Variants in AFDN observed in about 807,000 individuals in gnomAD.
AFDN encodes the protein afadin.
A neutral mutation model predicts 216.6 loss-of-function variants in AFDN; 68 were observed. The ratio of observed to expected loss-of-function variants is 0.31; its 90% CI spans 0.26 to 0.38. The LOEUF is 0.38. Among genes scored for constraint, AFDN ranks in the 10% least tolerant of loss-of-function variants. The pLI is 1.00. For synonymous variants in AFDN, 868 were observed against 853.7 expected, an observed-to-expected ratio of 1.02 and a Z score of -0.29; for missense variants, 2,136 against 2,342.0, an observed-to-expected ratio of 0.91 and a Z score of 1.82.
chr6:167,855,216 T>C (rs1367864079), intron 1 of AFDN, among the ~76,000 whole-genome samples: 2 of 152,116 alleles, frequency 1.3e-5, no homozygotes, highest in Non-Finnish European at 2.9e-5. Context: ...TTTTTAAAAC[T>C]ATTAAAATGA....
chr6:167,951,682 A>G lies in AFDN; in HGVS notation c.4328A>G (p.Glu1443Gly). The G allele has an allele frequency of 6.2e-7, 1 of 1,613,942 alleles. No homozygotes were observed. Among genetic ancestry groups the G allele is most frequent in the Non-Finnish European group, 8.5e-7 (1 of 1,179,948 alleles). ...GAGGAGCGGGAGAGGAAGCGGAGAGAGCAGGAGAGGAAGTTGGGCCAGATG... is the reference window on the plus strand; with the variant it reads ...GAGGAGCGGGAGAGGAAGCGGAGAGGGCAGGAGAGGAAGTTGGGCCAGATG... ...LEEERERKRREQERKLGQMRT... is the reference protein window; with the variant it reads ...LEEERERKRRGQERKLGQMRT... Residue 1443 changes from glutamate (E) to glycine (G), a missense_variant, in exon 30 of 34, where the codon GAG becomes GGG. Glu to Gly is a moderately conservative substitution (Grantham distance 98, BLOSUM62 -2). Transcript: ENST00000683244. The surrounding 1 kb of genome is among the most constrained non-coding windows in gnomAD (Gnocchi z 7.1).
At chr6:167,925,285 A>T (rs1317258775) in intron 23 of AFDN, among the ~76,000 whole-genome samples, 194 bp downstream of exon 23, 3 of 152,198 alleles carry the variant, frequency 2.0e-5, no homozygotes, top group Non-Finnish European at 4.4e-5. Flanking sequence ...TAGTTGAGGG[A>T]TGATCTCCTA....
chr6:167,939,729 GTTAA>G (rs1465515972), intron 23 of AFDN, among the ~76,000 whole-genome samples: 1 of 152,160 alleles, frequency 6.6e-6, no homozygotes, highest in Non-Finnish European at 1.5e-5. Context: ...AAAAAATTCA[GTTAA>G]TTAGATTATG....
intron 23 of AFDN, among the ~76,000 whole-genome samples, chr6:167,929,013 C>G (rs577515561): frequency 6.6e-6 from 1 of 152,292 alleles, no homozygotes; most frequent in South Asian, 2.1e-4. Context: ...CAGTGTAGTA[C>G]AATTACTGGC....
At chr6:167,833,010 T>C (rs1779995169) in intron 1 of AFDN, among the ~76,000 whole-genome samples, 1 of 152,226 alleles carries the variant, frequency 6.6e-6, no homozygotes, top group African/African-American at 2.4e-5. Context: ...CCTTTAACTC[T>C]AGGTATGAAC....
Position 167,966,367 on chromosome 6 carries a change from A to C in AFDN, c.5257+322A>C. The C allele has an allele frequency of 2.7e-6, 3 of 1,127,378 alleles. No homozygotes were observed. The Admixed American group carries it at 9.8e-5, about 37-fold the overall frequency. 69.8% of individuals were successfully genotyped at this position (1,127,378 alleles called of 1,614,324 possible). A position where few individuals can be genotyped will look rare whatever the true frequency, so the allele number is the denominator to read the frequency against. On this transcript the variant is annotated intron_variant, in intron 32 of 33. Transcript: ENST00000683244. ...TTGCCCTGTAGTATGGTCCATGGCG[A>C]TCATACTTGCCTTGGAATTTGGATG... is the stretch of plus-strand genomic sequence containing the variant.
In AFDN at chr6:167,922,915, G is replaced by A. The variant is rs1405883551; in HGVS notation, c.2968G>A (p.Gly990Ser). 1 of 1,613,132 alleles carries A rather than the reference G, an allele frequency of 6.2e-7. No homozygotes were observed. ...SPGTWTIYFE[G>S]ADYESHLLRE... The stretch of plus-strand genomic sequence containing the variant: ...AGGTACTTGGACAATATATTTTGAA[G>A]GTGCAGATTATGAAAGTCACCTTCT... The change falls in exon 22 of 34, where the codon GGT (glycine) becomes AGT (serine). Residue 990 changes from glycine (G) to serine (S), a missense_variant. By Grantham distance (56) the Gly-to-Ser change is moderately conservative (BLOSUM62 0). Coordinates refer to ENST00000683244, the MANE Select transcript of AFDN (RefSeq NM_001386888.1).
chr6:167,917,295 G>GA lies in AFDN; in HGVS notation c.2709+69dup. On this transcript the variant is annotated intron_variant, in intron 20 of 33. Coordinates refer to ENST00000683244, the MANE Select transcript of AFDN (RefSeq NM_001386888.1). ...CATGTTTGCATGGGGACATTTGGAT[G>GA]AAAAAACAAAAGGAAATCCTATTTA... The GA allele has an allele frequency of 5.1e-6, 7 of 1,379,392 alleles. No individual in the cohort carries two copies. The South Asian group carries it at 5.8e-5, about 12-fold the overall frequency. 85.4% of individuals were successfully genotyped at this position (1,379,392 alleles called of 1,614,324 possible).
chr6:167,875,545 T>C lies in AFDN; in HGVS notation c.739+50T>C, dbSNP rs549034927. Reference sequence around the variant, plus strand: ...TTCTACCTGTTACAAAGAGCATTGTTTAATTACACTGTACGTGCGTGAGAC... The same window carrying C: ...TTCTACCTGTTACAAAGAGCATTGTCTAATTACACTGTACGTGCGTGAGAC... On this transcript the variant is annotated intron_variant, in intron 5 of 33. Coordinates refer to ENST00000683244, the MANE Select transcript of AFDN (RefSeq NM_001386888.1). 509 of 1,584,066 alleles carry C rather than the reference T, an allele frequency of 3.2e-4. 4 individuals carry two copies. In the South Asian group the frequency reaches 5.5e-3, roughly 17 times the overall value.
At chr6:167,845,529 C>G (rs1043905880) in intron 1 of AFDN, among the ~76,000 whole-genome samples, 1 of 152,114 alleles carries the variant, frequency 6.6e-6, no homozygotes, top group African/African-American at 2.4e-5. Context: ...TCCCTAGTAG[C>G]TGGGATTACA....
intron 27 of AFDN, among the ~76,000 whole-genome samples, chr6:167,947,377 C>T (rs576969587): frequency 5.9e-5 from 9 of 152,210 alleles, no homozygotes; most frequent in South Asian, 4.2e-4. Context: ...GACGGGGTTT[C>T]ACCATGTTAG....
At chr6:167,929,378 G>A (rs554658481) in intron 23 of AFDN, among the ~76,000 whole-genome samples, 7 of 152,318 alleles carry the variant, frequency 4.6e-5, no homozygotes, top group African/African-American at 9.6e-5. Context: ...TAGTAACAGC[G>A]TAGAAGGTTA....
intron 5 of AFDN, among the ~76,000 whole-genome samples, chr6:167,876,469 AAAG>A (rs1455738070): frequency 6.6e-6 from 1 of 152,260 alleles, no homozygotes; most frequent in Non-Finnish European, 1.5e-5. Flanking sequence ...AAGAAAATAC[AAAG>A]AAGAACAGTA....
chr6:167,860,571 C>T (rs1269367310), intron 1 of AFDN, among the ~76,000 whole-genome samples: 1 of 152,136 alleles, frequency 6.6e-6, no homozygotes, highest in Non-Finnish European at 1.5e-5. Flanking sequence ...GTTTAATCCT[C>T]AAAACAAGCT....
intron 6 of AFDN, among the ~76,000 whole-genome samples, chr6:167,885,167 T>C (rs2128313486): frequency 6.6e-6 from 1 of 152,348 alleles, no homozygotes; most frequent in African/African-American, 2.4e-5. Flanking sequence ...TGTAATATTG[T>C]GGCTGATTTG....
chr6:167,883,211 T>A (rs550426960), intron 6 of AFDN, among the ~76,000 whole-genome samples: 3 of 152,204 alleles, frequency 2.0e-5, no homozygotes, highest in African/African-American at 7.2e-5. Flanking sequence ...TCTGCAGTAG[T>A]GCTGAACGGC....
chr6:167,930,181 G>T (rs1438520655), intron 23 of AFDN, among the ~76,000 whole-genome samples: 1 of 152,142 alleles, frequency 6.6e-6, no homozygotes, highest in Admixed American at 6.5e-5. Context: ...CCCCAGCCCA[G>T]GTAACAGGGC....
intron 1 of AFDN, among the ~76,000 whole-genome samples, chr6:167,857,591 G>A (rs1783051657): frequency 6.6e-6 from 1 of 151,994 alleles, no homozygotes; most frequent in Admixed American, 6.6e-5. Context: ...TTTGAACTTG[G>A]ATGAGAGGGG....
intron 1 of AFDN, among the ~76,000 whole-genome samples, chr6:167,857,378 TA>T (rs1269742179): frequency 3.3e-5 from 5 of 152,104 alleles, no homozygotes; most frequent in African/African-American, 2.4e-5. Context: ...GGATCTAAAA[TA>T]ATTAGATGAA....
Sources: allele counts gnomAD v4.1 joint callset (sites outside exome capture counted in the v4.1 genomes callset), GRCh38; gene constraint gnomAD v4.1.1; non-coding constraint Gnocchi (gnomAD v3.1); transcripts MANE v1.5; gene names NCBI Gene and HGNC (gene_info 2026-07-23, HGNC 2026-07-21).